The following RNF128 variants were observed in gnomAD, a reference collection of about 807,000 sequenced individuals.
RNF128 encodes the protein ring finger protein 128, also known as E3 ubiquitin-protein ligase RNF128.
A neutral mutation model predicts 26.2 loss-of-function variants in RNF128; 13 were observed. The observed-to-expected ratio is 0.50, with a 90% CI of 0.32 to 0.79. The LOEUF (loss-of-function observed/expected upper bound fraction) is 0.79, where lower values mean the gene tolerates loss of function less well. Ranked by LOEUF, RNF128 falls within the 30% of genes least tolerant of loss-of-function variation. The pLI, the probability that RNF128 is intolerant of heterozygous loss-of-function variation, is 0.03. For missense variants in RNF128, 315 were observed against 349.7 expected, an observed-to-expected ratio of 0.90 and a Z score of 0.79; for synonymous variants, 149 against 142.5, an observed-to-expected ratio of 1.05 and a Z score of -0.32.
chrX:106,789,199 A>G (rs977940357), intron 4 of RNF128, among the ~76,000 whole-genome samples: 5 of 93,479 alleles, frequency 5.3e-5, no homozygotes, highest in African/African-American at 7.6e-5. Context: ...TGTAAATTGT[A>G]TATATATAAT....
chrX:106,710,651 G>A (rs1315456750), intron 1 of RNF128, among the ~76,000 whole-genome samples: 3 of 107,626 alleles, frequency 2.8e-5, no homozygotes, highest in Admixed American at 2.0e-4. Context: ...CGTCTACTGG[G>A]GAGGCTGAGG....
At chrX:106,703,062 C>G (rs1300390937) in intron 1 of RNF128, among the ~76,000 whole-genome samples, 1 of 111,858 alleles carries the variant, frequency 8.9e-6, no homozygotes, top group Non-Finnish European at 1.9e-5. Context: ...CTAATGACCT[C>G]AATATGCAAT....
At chrX:106,776,871 A>G (rs1179347213) in intron 2 of RNF128, among the ~76,000 whole-genome samples, 2 of 111,788 alleles carry the variant, frequency 1.8e-5, no homozygotes, top group East Asian at 2.8e-4. Flanking sequence ...CAAAGTTAAC[A>G]GGAACCTATA....
At chrX:106,778,875 T>A (rs1930515992) in intron 2 of RNF128, among the ~76,000 whole-genome samples, 1 of 112,205 alleles carries the variant, frequency 8.9e-6, no homozygotes, top group African/African-American at 3.2e-5. Flanking sequence ...TCTGGTTACA[T>A]TAAGTTTTTT....
chrX:106,695,126 A>C (rs996362175), intron 1 of RNF128, among the ~76,000 whole-genome samples: 2 of 111,514 alleles, frequency 1.8e-5, no homozygotes, highest in African/African-American at 6.5e-5. Context: ...ATTTAAAAAA[A>C]CAGTTTCCAA....
upstream of RNF128, among the ~76,000 whole-genome samples, chrX:106,726,401 G>A (rs770619071): frequency 5.4e-5 from 6 of 111,423 alleles, no homozygotes; most frequent in Non-Finnish European, 1.1e-4. Flanking sequence ...CCGTAAGCCC[G>A]AAATGTCCTT....
intron 1 of RNF128, among the ~76,000 whole-genome samples, chrX:106,704,154 G>C (rs1483023813): frequency 9.0e-6 from 1 of 110,590 alleles, no homozygotes; most frequent in African/African-American, 3.3e-5. Context: ...TGGGGGAGTA[G>C]GCCGGGCGCG....
chrX:106,787,606 A>T (rs763354783), intron 3 of RNF128, among the ~76,000 whole-genome samples: 1 of 111,590 alleles, frequency 9.0e-6, no homozygotes, highest in South Asian at 3.7e-4. Flanking sequence ...TTAATTTTTT[A>T]AAAATGAGAA....
intron 6 of RNF128, among the ~76,000 whole-genome samples, chrX:106,794,704 C>T (rs1479146325): frequency 9.0e-6 from 1 of 110,836 alleles, no homozygotes; most frequent in Non-Finnish European, 1.9e-5. Flanking sequence ...TATTTACTCT[C>T]ACAAATATAC....
upstream of RNF128, chrX:106,726,532 C>A: frequency 2.3e-6 from 1 of 434,722 alleles, no homozygotes; most frequent in Non-Finnish European, 2.9e-6. Context: ...TATAAAACGA[C>A]GCGACACACC....
intron 1 of RNF128, among the ~76,000 whole-genome samples, chrX:106,714,669 C>T (rs781023492): frequency 1.8e-5 from 2 of 112,001 alleles, no homozygotes; most frequent in South Asian, 7.5e-4. Context: ...TGCAACAGAG[C>T]TCCTTCGTAT....
At chrX:106,699,609 G>A (rs750934789) in intron 1 of RNF128, among the ~76,000 whole-genome samples, 10 of 111,761 alleles carry the variant, frequency 8.9e-5, no homozygotes, top group Non-Finnish European at 1.7e-4. Context: ...CATATAGGTC[G>A]ATCACATCAC....
chrX:106,744,405 G>C (rs1481001774), intron 1 of RNF128, among the ~76,000 whole-genome samples: 4 of 111,426 alleles, frequency 3.6e-5, no homozygotes, highest in African/African-American at 1.3e-4. Context: ...GTTACATTTT[G>C]TTGGGAAATA....
chrX:106,727,646 A>C (rs897550012), intron 1 of RNF128, among the ~76,000 whole-genome samples: 4 of 110,862 alleles, frequency 3.6e-5, no homozygotes, highest in Non-Finnish European at 7.6e-5. Context: ...TGGCAAATCA[A>C]GGACTGTTTG....
At chrX:106,722,014 G>C (rs1021532586), upstream of RNF128, among the ~76,000 whole-genome samples, 1 of 111,492 alleles carries the variant, frequency 9.0e-6, no homozygotes, top group South Asian at 3.8e-4. Flanking sequence ...TTTGGGACTA[G>C]TAAATTTGAT....
chrX:106,741,769 G>A (rs1929706023), intron 1 of RNF128, among the ~76,000 whole-genome samples: 1 of 111,733 alleles, frequency 8.9e-6, no homozygotes, highest in Non-Finnish European at 1.9e-5. Flanking sequence ...TATTTGACAT[G>A]TGTTATGTGG....
intron 1 of RNF128, among the ~76,000 whole-genome samples, chrX:106,741,352 T>G (rs1344744762): frequency 2.7e-5 from 3 of 111,435 alleles, no homozygotes; most frequent in Non-Finnish European, 5.6e-5. Flanking sequence ...ATGACTGTGT[T>G]TTAACTTGAG....
intron 1 of RNF128, among the ~76,000 whole-genome samples, chrX:106,754,851 T>A: frequency 9.1e-6 from 1 of 110,292 alleles, no homozygotes; most frequent in South Asian, 3.8e-4. Context: ...AACCTTCAAA[T>A]TAACAACCTA....
At chrX:106,773,511 C>T (rs911085827) in intron 2 of RNF128, among the ~76,000 whole-genome samples, 50 of 110,618 alleles carry the variant, frequency 4.5e-4, no homozygotes, top group Non-Finnish European at 8.3e-4. Context: ...AGAAAGTACA[C>T]GGGAAAAAAA....
Sources: allele counts gnomAD v4.1 joint callset (sites outside exome capture counted in the v4.1 genomes callset), GRCh38; gene constraint gnomAD v4.1.1; transcripts MANE v1.5; gene names NCBI Gene and HGNC (gene_info 2026-07-23, HGNC 2026-07-21).